Variants in NELL1 observed in about 807,000 individuals in gnomAD.
NELL1 encodes the protein neural EGFL like 1, also known as protein kinase C-binding protein NELL1.
A neutral mutation model predicts 107.4 loss-of-function variants in NELL1; 76 were observed. The ratio of observed to expected loss-of-function variants is 0.71; its 90% CI spans 0.59 to 0.86. The LOEUF (loss-of-function observed/expected upper bound fraction) is 0.86. Ranked by LOEUF, NELL1 falls within the 40% of genes least tolerant of loss-of-function variation. NELL1 has a pLI of 0.00. For synonymous variants in NELL1, 353 were observed against 341.2 expected (o/e 1.03, Z -0.38); for missense variants, 1,024 against 1,005.5 (o/e 1.02, Z -0.25).
intron 15 of NELL1, among the ~76,000 whole-genome samples, chr11:21,460,836 A>G (rs1853882385): frequency 6.6e-6 from 1 of 152,098 alleles, no homozygotes; most frequent in Non-Finnish European, 1.5e-5. Context: ...ATCTGAAAAT[A>G]TATATTAGTT....
chr11:20,951,168 G>A (rs1851061894), intron 11 of NELL1, among the ~76,000 whole-genome samples: 1 of 152,190 alleles, frequency 6.6e-6, no homozygotes, highest in Non-Finnish European at 1.5e-5. Flanking sequence ...TCATGTTAAT[G>A]AATGAATGAC....
chr11:21,038,330 G>A (rs1853145911), intron 12 of NELL1, among the ~76,000 whole-genome samples: 1 of 152,114 alleles, frequency 6.6e-6, no homozygotes, highest in African/African-American at 2.4e-5. Context: ...TATTTGGAAA[G>A]ATAATCTTGG....
rs544034812 is a variant in NELL1 at position 21,163,204 on chromosome 11, T to C, written c.1426+49490T>C. Reference sequence around the variant, plus strand: ...AGGAGTATGAGCTGTCAAAAGGGAGTGGCAGGAAATGAAGATGGGAAGACA... The same window carrying C: ...AGGAGTATGAGCTGTCAAAAGGGAGCGGCAGGAAATGAAGATGGGAAGACA... On this transcript the variant is annotated intron_variant, in intron 13 of 19. Coordinates refer to ENST00000357134, the MANE Select transcript of NELL1 (RefSeq NM_006157.5). Among the ~76,000 whole-genome samples, 16 of 151,872 alleles carry C rather than the reference T, an allele frequency of 1.1e-4. 1 individual carries two copies. The South Asian group carries it at 3.1e-3, about 30-fold the overall frequency.
At chr11:20,851,083 T>A (rs1848786845) in intron 4 of NELL1, among the ~76,000 whole-genome samples, 1 of 151,714 alleles carries the variant, frequency 6.6e-6, no homozygotes, top group Admixed American at 6.6e-5. Flanking sequence ...CACCAGGGAG[T>A]CTTCCCAAGG....
chr11:20,919,464 T>G, intron 7 of NELL1, 130 bp downstream of exon 7: 2 of 577,740 alleles, frequency 3.5e-6, no homozygotes, highest in Non-Finnish European at 6.2e-6. Flanking sequence ...AAATGTTTTA[T>G]TCTTACTCAA....
At chr11:20,848,959 G>C (rs557638787) in intron 4 of NELL1, among the ~76,000 whole-genome samples, 2 of 152,272 alleles carry the variant, frequency 1.3e-5, no homozygotes, top group Admixed American at 1.3e-4. Context: ...AATATGTCTG[G>C]ACAGAGTTTC....
intron 2 of NELL1, among the ~76,000 whole-genome samples, chr11:20,758,503 A>T (rs1032714523): frequency 6.6e-6 from 1 of 152,194 alleles, no homozygotes; most frequent in Non-Finnish European, 1.5e-5. Context: ...GTTAGAACCA[A>T]CTGACAATAG....
chr11:21,353,824 A>G (rs1310968795), intron 14 of NELL1, among the ~76,000 whole-genome samples: 1 of 152,192 alleles, frequency 6.6e-6, no homozygotes, highest in Non-Finnish European at 1.5e-5. Flanking sequence ...CTCTTCAAAC[A>G]TGGAATTAAA....
At chr11:20,838,156 C>T (rs561929697) in intron 3 of NELL1, among the ~76,000 whole-genome samples, 35 of 151,618 alleles carry the variant, frequency 2.3e-4, no homozygotes, top group South Asian at 8.4e-4. Flanking sequence ...TGGCATTCCT[C>T]CCCAAAAGTG....
intron 12 of NELL1, among the ~76,000 whole-genome samples, chr11:21,087,663 G>T (rs554780686): frequency 5.3e-5 from 8 of 152,302 alleles, no homozygotes; most frequent in Admixed American, 2.6e-4. Context: ...GAAGGAGGGA[G>T]TATGAGATAT....
intron 2 of NELL1, among the ~76,000 whole-genome samples, chr11:20,721,717 A>G (rs1464830580): frequency 6.6e-6 from 1 of 152,184 alleles, no homozygotes; most frequent in Admixed American, 6.6e-5. Context: ...TGTTTTTAGA[A>G]AAGTTCGGGG....
rs567761487 is a variant in NELL1, at chr11:21,208,242, ATTCTT to A, written c.1427-21088_1427-21084del. On this transcript the variant is annotated intron_variant, in intron 13 of 19. Coordinates refer to ENST00000357134, the MANE Select transcript of NELL1 (RefSeq NM_006157.5). ...AAACAAAACACAATAAAAACCGTCT[ATTCTT>A]TAGTAATAAAAGATACGTATTATAA... Among the ~76,000 whole-genome samples the A allele has an allele frequency of 1.4e-4, 22 of 152,106 alleles. No homozygotes were observed. The East Asian group carries it at 2.7e-3, about 19-fold the overall frequency.
intron 12 of NELL1, among the ~76,000 whole-genome samples, chr11:21,044,284 A>T (rs1015408223): frequency 6.6e-6 from 1 of 152,204 alleles, no homozygotes; most frequent in South Asian, 2.1e-4. Flanking sequence ...TCAGAAACAT[A>T]TCTACTGTAT....
At chr11:20,807,436 G>T (rs1857408498) in intron 3 of NELL1, among the ~76,000 whole-genome samples, 4 of 152,188 alleles carry the variant, frequency 2.6e-5, no homozygotes, top group African/African-American at 9.6e-5. Context: ...TTCTGAGGCT[G>T]TGGGTGGGGA....
chr11:21,267,052 A>G (rs1228221788), intron 14 of NELL1, among the ~76,000 whole-genome samples: 1 of 152,080 alleles, frequency 6.6e-6, no homozygotes, highest in Admixed American at 6.6e-5. Flanking sequence ...TTGAAATATT[A>G]TAGTCTATAA....
intron 15 of NELL1, among the ~76,000 whole-genome samples, chr11:21,382,456 T>C (rs1025981213): frequency 2.6e-4 from 39 of 151,976 alleles, no homozygotes; most frequent in Non-Finnish European, 4.6e-4. Flanking sequence ...AATAAATGAA[T>C]AAGTATAGAC....
chr11:21,273,589 GAC>G (rs1397146191), intron 14 of NELL1, among the ~76,000 whole-genome samples: 1 of 152,102 alleles, frequency 6.6e-6, no homozygotes, highest in Non-Finnish European at 1.5e-5. Flanking sequence ...GCAACTCCAA[GAC>G]ACACAATTGT....
At chr11:20,690,503 C>G (rs1262013995) in intron 2 of NELL1, among the ~76,000 whole-genome samples, 2,245 of 150,606 alleles carry the variant, frequency 0.015, 51 homozygotes, top group African/African-American at 0.052. Flanking sequence ...CTACATATGG[C>G]TAGCCAGTTT....
At chr11:21,422,279 G>A (rs1023043570) in intron 15 of NELL1, among the ~76,000 whole-genome samples, 1 of 152,114 alleles carries the variant, frequency 6.6e-6, no homozygotes, top group African/African-American at 2.4e-5. Context: ...AAAACTCCAT[G>A]AAGAAATAAA....
Sources: gnomAD v4.1 joint callset for allele counts (sites outside exome capture counted in the v4.1 genomes callset) on GRCh38, gnomAD v4.1.1 for gene constraint, MANE v1.5 for transcripts, NCBI Gene and HGNC (gene_info 2026-07-23, HGNC 2026-07-21) for gene names.